Variants in TMCC3 observed in about 807,000 individuals in gnomAD.
TMCC3 encodes the protein transmembrane and coiled-coil domain family 3.
Under a neutral mutation model 40.2 loss-of-function variants are expected in TMCC3, and 28 were observed. The observed-to-expected ratio is 0.70, with a 90% CI of 0.52 to 0.95. The LOEUF (loss-of-function observed/expected upper bound fraction) is 0.95. Ranked by LOEUF, TMCC3 falls within the 40% of genes least tolerant of loss-of-function variation. The pLI, the probability that TMCC3 is intolerant of heterozygous loss-of-function variation, is 0.00. For synonymous variants in TMCC3, 255 were observed against 248.5 expected, an observed-to-expected ratio of 1.03 and a Z score of -0.25; for missense variants, 554 against 615.2, an observed-to-expected ratio of 0.90 and a Z score of 1.05.
intron 3 of TMCC3, among the ~76,000 whole-genome samples, chr12:94,578,135 G>T (rs554091663): frequency 2.2e-4 from 16 of 73,710 alleles, no homozygotes; most frequent in South Asian, 8.4e-4. Flanking sequence ...GCCACAGAGC[G>T]AGACTCACCT....
At chr12:94,636,289 G>A (rs2068960596) in intron 1 of TMCC3, among the ~76,000 whole-genome samples, 1 of 152,202 alleles carries the variant, frequency 6.6e-6, no homozygotes, top group African/African-American at 2.4e-5. Flanking sequence ...ACATGGGCAT[G>A]TGGGCTTTTA....
Position 94,650,311 on chromosome 12 carries a change from G to A in TMCC3, c.78+42C>T, listed in dbSNP as rs1054950159. The A allele has an allele frequency of 3.0e-5, 36 of 1,204,218 alleles. No homozygotes were observed. The African/African-American group carries it at 5.1e-4, about 17-fold the overall frequency. 74.6% of individuals were successfully genotyped at this position (1,204,218 alleles called of 1,614,324 possible). A position where few individuals can be genotyped will look rare whatever the true frequency, so the allele number is the denominator to read the frequency against. On this transcript the variant is annotated intron_variant, in intron 1 of 3. Coordinates refer to ENST00000261226, the MANE Select transcript of TMCC3 (RefSeq NM_020698.4). ...CGCCGCCCCAGCCCGCCTCGCCCCC[G>A]GGCCCGCGCGCACCCGCCGCCCCCC...
intron 1 of TMCC3, among the ~76,000 whole-genome samples, chr12:94,634,067 A>G (rs186855449): frequency 6.6e-6 from 1 of 151,742 alleles, no homozygotes; most frequent in East Asian, 1.9e-4. Context: ...CTAACTCAGC[A>G]TCTCAAGTAG....
At chr12:94,584,999 G>A (rs1201623866) in intron 1 of TMCC3, among the ~76,000 whole-genome samples, 1 of 152,156 alleles carries the variant, frequency 6.6e-6, no homozygotes, top group Admixed American at 6.5e-5. Flanking sequence ...TATAGCAACA[G>A]AGAATGCATG....
intron 1 of TMCC3, among the ~76,000 whole-genome samples, chr12:94,583,048 C>A (rs1053906718): frequency 6.9e-6 from 1 of 144,524 alleles, no homozygotes; most frequent in African/African-American, 2.5e-5. Context: ...GTACATCCAT[C>A]AAACAAGAAC....
At chr12:94,636,957 A>C (rs889897350) in intron 1 of TMCC3, among the ~76,000 whole-genome samples, 2 of 152,242 alleles carry the variant, frequency 1.3e-5, no homozygotes, top group African/African-American at 4.8e-5. Flanking sequence ...GCTGGACTCC[A>C]GGCCTATGGA....
At chr12:94,611,890 T>C (rs772001405) in intron 1 of TMCC3, among the ~76,000 whole-genome samples, 3 of 152,224 alleles carry the variant, frequency 2.0e-5, no homozygotes, top group Non-Finnish European at 2.9e-5. Flanking sequence ...GCCAACTGTA[T>C]ATCCATTCAT....
chr12:94,595,961 T>C (rs2068712781), intron 1 of TMCC3, among the ~76,000 whole-genome samples: 1 of 152,208 alleles, frequency 6.6e-6, no homozygotes, highest in Non-Finnish European at 1.5e-5. Flanking sequence ...TGCTCGGCCT[T>C]CAAATGAGGC....
At chr12:94,578,959 C>T (rs558070713) in intron 2 of TMCC3, among the ~76,000 whole-genome samples, 66 of 152,290 alleles carry the variant, frequency 4.3e-4, no homozygotes, top group African/African-American at 1.5e-3. Flanking sequence ...GGCCAGAGAG[C>T]CCACAGGGAA....
rs550088357 is a variant in TMCC3, at chr12:94,595,847, T to A, written c.79-13309A>T. 3.5e-4 allele frequency among the ~76,000 whole-genome samples: 45 copies of A among 127,656 alleles called. 1 individual carries two copies. The highest frequency in any genetic ancestry group is 3.3e-3 in the Admixed American group (42 of 12,638). The allele number at this position is 127,656 out of a possible 152,430, so 83.7% of individuals were successfully genotyped here. A position where few individuals can be genotyped will look rare whatever the true frequency, so the allele number is the denominator to read the frequency against. On this transcript the variant is annotated intron_variant, in intron 1 of 3. Coordinates refer to ENST00000261226, the MANE Select transcript of TMCC3 (RefSeq NM_020698.4). Reference sequence around the variant, plus strand: ...TGCCTTTAGTTGTATCAAAATAATATAGCATTCCACTTAAAGAAAAAAAAA... The same window carrying A: ...TGCCTTTAGTTGTATCAAAATAATAAAGCATTCCACTTAAAGAAAAAAAAA...
intron 1 of TMCC3, among the ~76,000 whole-genome samples, chr12:94,650,002 G>C (rs1000479185): frequency 2.6e-5 from 4 of 152,202 alleles, no homozygotes; most frequent in Non-Finnish European, 2.9e-5. Flanking sequence ...TGGAGACGCG[G>C]GGCCGCGGGT....
intron 1 of TMCC3, among the ~76,000 whole-genome samples, chr12:94,596,272 G>A (rs535699470): frequency 6.6e-6 from 1 of 152,248 alleles, no homozygotes; most frequent in African/African-American, 2.4e-5. Flanking sequence ...GATTTGAAAG[G>A]GGGAGGCATC....
intron 1 of TMCC3, among the ~76,000 whole-genome samples, chr12:94,611,518 C>A (rs1177135607): frequency 2.6e-5 from 4 of 152,080 alleles, no homozygotes; most frequent in South Asian, 2.1e-4. Flanking sequence ...AATACTCATA[C>A]AAGCAGACCA....
intron 1 of TMCC3, among the ~76,000 whole-genome samples, chr12:94,583,278 G>C (rs919817488): frequency 6.6e-6 from 1 of 151,786 alleles, no homozygotes; most frequent in Admixed American, 6.6e-5. Context: ...GCCCAGGCAG[G>C]TGGATCACCT....
intron 1 of TMCC3, among the ~76,000 whole-genome samples, chr12:94,633,837 C>T (rs370682390): frequency 2.0e-5 from 3 of 152,196 alleles, no homozygotes; most frequent in East Asian, 3.9e-4. Context: ...TAACAAGTAA[C>T]TGTGATTTCT....
intron 1 of TMCC3, among the ~76,000 whole-genome samples, chr12:94,615,579 C>G (rs918179528): frequency 2.6e-5 from 4 of 152,234 alleles, no homozygotes; most frequent in African/African-American, 9.6e-5. Context: ...TACTTTCGAA[C>G]TCCCAGGGAG....
Position 94,594,198 on chromosome 12 carries a change from A to AAT in TMCC3, c.79-11662_79-11661dup, listed in dbSNP as rs59083165. 6.8e-3 allele frequency among the ~76,000 whole-genome samples: 984 copies of AAT among 145,452 alleles called. 28 individuals are homozygous for AAT. The highest frequency in any genetic ancestry group is 0.017 in the Middle Eastern group (5 of 286). On this transcript the variant is annotated intron_variant, in intron 1 of 3. Coordinates refer to ENST00000261226, the MANE Select transcript of TMCC3 (RefSeq NM_020698.4). ...CTAAGAACCATGCCTTTTAAATTTA[A>AAT]ATATATATATATATATATACACACA...
intron 1 of TMCC3, among the ~76,000 whole-genome samples, chr12:94,640,914 T>C (rs184223149): frequency 8.5e-5 from 13 of 152,224 alleles, no homozygotes; most frequent in South Asian, 2.1e-4. Flanking sequence ...AAGTAAACCA[T>C]TGGGGCCAGG....
At chr12:94,628,881 C>T (rs948337892) in intron 1 of TMCC3, among the ~76,000 whole-genome samples, 1 of 152,188 alleles carries the variant, frequency 6.6e-6, no homozygotes, top group Admixed American at 6.5e-5. Context: ...TGCTTCCAAA[C>T]AGCAAATAAA....
Sources: allele counts gnomAD v4.1 joint callset (sites outside exome capture counted in the v4.1 genomes callset), GRCh38; gene constraint gnomAD v4.1.1; transcripts MANE v1.5; gene names NCBI Gene and HGNC (gene_info 2026-07-23, HGNC 2026-07-21).